SLC12A9: variants seen among roughly 807,000 people sequenced by gnomAD.
SLC12A9 encodes the protein CCC-interacting protein 1.
In SLC12A9, 55 loss-of-function variants were observed where a neutral mutation model predicts 66.0. That is an observed-to-expected ratio of 0.83 (90% CI 0.67 to 1.04). The LOEUF is 1.04. Ranked by LOEUF, SLC12A9 falls within the 50% of genes least tolerant of loss-of-function variation. The pLI is 0.00. For missense variants in SLC12A9, 1,061 were observed against 1,241.9 expected, an observed-to-expected ratio of 0.85 and a Z score of 2.19; for synonymous variants, 577 against 569.0, an observed-to-expected ratio of 1.01 and a Z score of -0.20.
intron 13 of SLC12A9, chr7:100,865,220 G>A: frequency 6.5e-7 from 1 of 1,529,430 alleles, no homozygotes; most frequent in Non-Finnish European, 8.8e-7. Flanking sequence ...AGCTTCCCAA[G>A]ATGCTGCGAT....
chr7:100,863,629 A>G (rs915466828), intron 13 of SLC12A9, among the ~76,000 whole-genome samples: 2 of 152,200 alleles, frequency 1.3e-5, no homozygotes, highest in Non-Finnish European at 1.5e-5. Flanking sequence ...CCCGCCACCC[A>G]AAGCCACAAA....
intron 12 of SLC12A9, 137 bp downstream of exon 12, chr7:100,862,048 C>T (rs1814792534): frequency 1.1e-6 from 1 of 880,738 alleles, no homozygotes; most frequent in Admixed American, 3.0e-5. Context: ...CAACCTCCAC[C>T]TCCCAGGTTC....
Position 100,861,233 on chromosome 7 carries a change from C to T in SLC12A9, c.1314C>T (p.Ser438=), listed in dbSNP as rs2116628993. The change falls in exon 10 of 14, where the codon AGC becomes AGT. Residue 438 remains serine, a synonymous_variant. Transcript: ENST00000354161. The surrounding 1 kb of genome is among the most constrained non-coding windows in gnomAD (Gnocchi z 5.3). ...AYAAVDLSCL[S]LEWASAPNFR... is the part of the protein sequence containing the mutation. ...CTGCCGTGGACCTGTCCTGCCTGAG[C>T]CTGGAGTGGGCCTCGGCCCCCAACT... The T allele has an allele frequency of 3.7e-6, 6 of 1,614,228 alleles. No individual in the cohort carries two copies. In the East Asian group the frequency reaches 1.3e-4, roughly 36 times the overall value.
In SLC12A9 at chr7:100,854,768, T is replaced by C; in HGVS notation, c.316+14T>C. The C allele has an allele frequency of 6.2e-7, 1 of 1,613,678 alleles. No homozygotes were observed. The highest frequency in any genetic ancestry group is 1.1e-5 in the South Asian group (1 of 91,074). On this transcript the variant is annotated intron_variant, in intron 3 of 13. Transcript: ENST00000354161. ...GCGGAGCCTACTGTATCCTCCAACATCGATGGACTGGGGTCTGGCCTGTTC... is the reference window on the plus strand; with the variant it reads ...GCGGAGCCTACTGTATCCTCCAACACCGATGGACTGGGGTCTGGCCTGTTC...
rs1365641222 is a variant in SLC12A9 at position 100,827,024 on chromosome 7, G to T, written n.205G>T. ...GAAGCCCAGCAGAGCAGCACCCGGAGCTCCATGGCGCCGCCTCACTCGGGT... is the reference window on the plus strand; with the variant it reads ...GAAGCCCAGCAGAGCAGCACCCGGATCTCCATGGCGCCGCCTCACTCGGGT... On this transcript the variant is annotated non_coding_transcript_exon_variant, in exon 1 of 2. Coordinates refer to the SLC12A9 transcript ENST00000461016. 1.9e-6 allele frequency: 3 copies of T among 1,584,276 alleles called. No homozygotes were observed. Among genetic ancestry groups the T allele is most frequent in the Non-Finnish European group, 2.6e-6 (3 of 1,165,844 alleles).
At chr7:100,851,354 G>A (rs959272562), upstream of SLC12A9, among the ~76,000 whole-genome samples, 25 of 151,972 alleles carry the variant, frequency 1.6e-4, no homozygotes, top group Non-Finnish European at 3.2e-4. Flanking sequence ...GAGATTTATG[G>A]AAGCAGAGTT....
chr7:100,861,963 CTT>C lies in SLC12A9; in HGVS notation c.1711+65_1711+66del, dbSNP rs371080486. 4,874 of 1,225,550 alleles carry C rather than the reference CTT, an allele frequency of 4.0e-3. No individual in the cohort carries two copies. The highest frequency in any genetic ancestry group is 4.9e-3 in the South Asian group (300 of 60,832). 75.9% of individuals were successfully genotyped at this position (1,225,550 alleles called of 1,614,324 possible). ...CACTCCCATCCTTCTCTCCCCCTAC[CTT>C]TTTTTTTTTTTTGAGATGGAGCTTC... is the stretch of plus-strand genomic sequence containing the variant. On this transcript the variant is annotated intron_variant, in intron 12 of 13. Coordinates refer to ENST00000354161, the MANE Select transcript of SLC12A9 (RefSeq NM_020246.4). The surrounding 1 kb of genome is among the most constrained non-coding windows in gnomAD (Gnocchi z 5.3).
chr7:100,848,010 C>T (rs143043366), upstream of SLC12A9, among the ~76,000 whole-genome samples: 88 of 137,704 alleles, frequency 6.4e-4, 1 homozygote, highest in African/African-American at 2.1e-3. Flanking sequence ...CGCTTGAACC[C>T]GGGAGGTGGA....
intron 1 of SLC12A9, among the ~76,000 whole-genome samples, chr7:100,829,160 G>A (rs1027202127): frequency 4.6e-5 from 7 of 152,184 alleles, no homozygotes; most frequent in African/African-American, 1.2e-4. Flanking sequence ...GCTAGTTTTC[G>A]TATTTTTAGT....
intron 1 of SLC12A9, among the ~76,000 whole-genome samples, chr7:100,838,763 G>A (rs1342041826): frequency 6.6e-6 from 1 of 152,064 alleles, no homozygotes; most frequent in Non-Finnish European, 1.5e-5. Flanking sequence ...GAAAGAAAAA[G>A]TAAAAACTAA....
intron 2 of SLC12A9, 29 bp downstream of exon 2, chr7:100,854,407 T>C (rs1289820859): frequency 6.2e-7 from 1 of 1,606,480 alleles, no homozygotes; most frequent in South Asian, 1.1e-5. Context: ...GGGTGTGGAC[T>C]GACTATAGTA....
rs1452813323 is a variant in SLC12A9, at chr7:100,861,201, G to T, written c.1282G>T (p.Ala428Ser). Residue 428 changes from alanine (A) to serine (S), a missense_variant, in exon 10 of 14, where the codon GCC (alanine) becomes TCC (serine). Coordinates refer to ENST00000354161, the MANE Select transcript of SLC12A9 (RefSeq NM_020246.4). This position sits in a 1 kb window ranked among gnomAD's most constrained non-coding sequence, Gnocchi z 5.3. ...AAVVTVFYLV[A>S]YAAVDLSCLS... ...TGTGGTCACTGTCTTCTACCTGGTG[G>T]CCTATGCTGCCGTGGACCTGTCCTG... The T allele has an allele frequency of 6.8e-6, 11 of 1,614,110 alleles. No homozygotes were observed. The highest frequency in any genetic ancestry group is 7.6e-6 in the Non-Finnish European group (9 of 1,180,044).
intron 3 of SLC12A9, among the ~76,000 whole-genome samples, chr7:100,855,067 G>A (rs1478751241): frequency 6.6e-6 from 1 of 152,160 alleles, no homozygotes; most frequent in Non-Finnish European, 1.5e-5. Flanking sequence ...GGGAGGCTGA[G>A]GCACGAGAAT....
At position 100,861,239 on chromosome 7, in the gene SLC12A9, G is replaced by C; in HGVS notation, c.1320G>C (p.Glu440Asp). 1 of 1,614,240 alleles carries C rather than the reference G, an allele frequency of 6.2e-7. No individual in the cohort carries two copies. Among genetic ancestry groups the C allele is most frequent in the East Asian group, 2.2e-5 (1 of 44,886 alleles). Residue 440 changes from glutamate to aspartate, a missense_variant, in exon 10 of 14, where the codon GAG becomes GAC. Coordinates refer to ENST00000354161, the MANE Select transcript of SLC12A9 (RefSeq NM_020246.4). The surrounding 1 kb of genome is among the most constrained non-coding windows in gnomAD (Gnocchi z 5.3). The part of the protein sequence containing the change: ...AAVDLSCLSL[E>D]WASAPNFRPT... ...TGGACCTGTCCTGCCTGAGCCTGGAGTGGGCCTCGGCCCCCAACTTCCGGT... is the reference window on the plus strand; with the variant it reads ...TGGACCTGTCCTGCCTGAGCCTGGACTGGGCCTCGGCCCCCAACTTCCGGT...
chr7:100,828,804 T>C (rs879577966), intron 1 of SLC12A9, among the ~76,000 whole-genome samples: 84 of 151,922 alleles, frequency 5.5e-4, no homozygotes, highest in Middle Eastern at 3.4e-3. Context: ...CCCCTCACCC[T>C]CCCATCAGTT....
At position 100,827,188 on chromosome 7, in the gene SLC12A9, G is replaced by A; in HGVS notation, n.228+141G>A. 6.4e-6 allele frequency: 4 copies of A among 624,730 alleles called. No homozygotes were observed. In the South Asian group the frequency reaches 1.4e-4, roughly 23 times the overall value. 38.7% of individuals were successfully genotyped at this position (624,730 alleles called of 1,614,324 possible). A position where few individuals can be genotyped will look rare whatever the true frequency, so the allele number is the denominator to read the frequency against. On this transcript the variant is annotated intron_variant and non_coding_transcript_variant, in intron 1 of 1. Coordinates refer to the SLC12A9 transcript ENST00000461016. ...ATGCGAGCGTGCGGGGCACCGGGCG[G>A]CGGCGCCAAGTGTGGCCCCGCGTCT...
At chr7:100,842,896 G>C (rs368843616) in intron 1 of SLC12A9, among the ~76,000 whole-genome samples, 1 of 152,232 alleles carries the variant, frequency 6.6e-6, no homozygotes, top group Non-Finnish European at 1.5e-5. Flanking sequence ...TCTCTCTGCT[G>C]TATCCCTAAG....
rs560760071 is a variant in SLC12A9 at position 100,826,870 on chromosome 7, G to A, written n.51G>A. On this transcript the variant is annotated non_coding_transcript_exon_variant, in exon 1 of 2. Coordinates refer to the SLC12A9 transcript ENST00000461016. The stretch of plus-strand genomic sequence containing the variant: ...TCGGTCCGAAGTGTTTGGGACTGCA[G>A]TGCCCGGGTAGGGGTAGTCAGAGGC... 5 of 1,306,982 alleles carry A rather than the reference G, an allele frequency of 3.8e-6. No individual in the cohort carries two copies. In the South Asian group the frequency reaches 4.5e-5, roughly 12 times the overall value. The allele number at this position is 1,306,982 out of a possible 1,614,324, so 81.0% of individuals were successfully genotyped here.
exon 1 of SLC12A9, chr7:100,827,046 G>C: frequency 6.3e-7 from 1 of 1,575,182 alleles, no homozygotes; most frequent in South Asian, 1.2e-5. Context: ...CGCCTCACTC[G>C]GGTAGGATCC....
Sources: allele counts gnomAD v4.1 joint callset (sites outside exome capture counted in the v4.1 genomes callset), GRCh38; gene constraint gnomAD v4.1.1; non-coding constraint Gnocchi (gnomAD v3.1); transcripts MANE v1.5; gene names NCBI Gene and HGNC (gene_info 2026-07-23, HGNC 2026-07-21).